The following CFAP99 variants were observed in gnomAD, a reference collection of about 807,000 sequenced individuals.
CFAP99 encodes cilia and flagella associated protein 99.
Under a neutral mutation model 82.7 loss-of-function variants are expected in CFAP99, and 84 were observed. That is an observed-to-expected ratio of 1.02 (90% CI 0.85 to 1.22). The LOEUF (loss-of-function observed/expected upper bound fraction) is 1.22. Ranked by LOEUF, CFAP99 falls within the 50% of genes most tolerant of loss-of-function variation. CFAP99 has a pLI of 0.00. For missense variants in CFAP99, 1,059 were observed against 983.5 expected (o/e 1.08, Z -1.03); for synonymous variants, 456 against 429.5 (o/e 1.06, Z -0.76).
rs1033916173 is a variant in CFAP99, at chr4:2,436,949, G to A, written c.187G>A (p.Val63Ile). ...CCTCGAGTACCGGAAGCTGCTGACC[G>A]TCGTGGTGGATGCCTTCTACGTGGA... The change falls in exon 3 of 15, where the codon GTC becomes ATC. Residue 63 changes from valine to isoleucine, a missense_variant. Val to Ile is a conservative substitution (Grantham distance 29). Transcript: ENST00000635017. 3.8e-5 allele frequency: 58 copies of A among 1,536,072 alleles called. No homozygotes were observed. The highest frequency in any genetic ancestry group is 1.2e-4 in the Admixed American group (6 of 51,008).
chr4:2,443,243 G>T lies in CFAP99; in HGVS notation c.464+1G>T. ...AGAACTGGATCGACCCCCTGATGAG[G>T]TAGGCTGGATGGGGGGCTCTGGGGG... On this transcript the variant is annotated splice_donor_variant, in intron 5 of 14. Transcript: ENST00000635017. LOFTEE classifies it high-confidence loss of function. 6.5e-7 allele frequency: 1 copy of T among 1,528,754 alleles called. No homozygotes were observed. The highest frequency in any genetic ancestry group is 8.8e-7 in the Non-Finnish European group (1 of 1,140,426). 94.7% of individuals were successfully genotyped at this position (1,528,754 alleles called of 1,614,324 possible).
At chr4:2,426,303 T>C (rs2108709320) in intron 1 of CFAP99, among the ~76,000 whole-genome samples, 156 bp from the exon 2 acceptor site, 1 of 143,840 alleles carries the variant, frequency 7.0e-6, no homozygotes, top group East Asian at 2.0e-4. Context: ...CCCTCCCCAC[T>C]GCTGTAGGCC....
intron 2 of CFAP99, among the ~76,000 whole-genome samples, chr4:2,431,676 C>G (rs78638076): frequency 0.021 from 3,133 of 152,250 alleles, 83 homozygotes; most frequent in African/African-American, 0.066. Flanking sequence ...GTACACCCTC[C>G]CCAACCTCAT....
rs546976026 is a variant in CFAP99, at chr4:2,425,758, G to A, written c.-17-701G>A. 2.0e-5 allele frequency among the ~76,000 whole-genome samples: 3 copies of A among 152,242 alleles called. No individual in the cohort carries two copies. The East Asian group carries it at 5.8e-4, about 29-fold the overall frequency. On this transcript the variant is annotated intron_variant, in intron 1 of 14. Coordinates refer to ENST00000635017, the Ensembl canonical transcript of CFAP99. ...GGGGCCACATGTTGTCCTTAGAGCT[G>A]GTTCCCAGGGTCCCAGCCTCCCCCT...
At chr4:2,425,159 G>A (rs542635570) in intron 1 of CFAP99, among the ~76,000 whole-genome samples, 4 of 152,258 alleles carry the variant, frequency 2.6e-5, no homozygotes, top group East Asian at 1.9e-4. Context: ...TTCCTTGGAC[G>A]CTGTATCTCC....
chr4:2,445,358 C>A (rs1215347524), intron 6 of CFAP99, 50 bp downstream of exon 6: 7 of 1,278,128 alleles, frequency 5.5e-6, no homozygotes, highest in Non-Finnish European at 6.9e-6. Context: ...ATCAGGGTAG[C>A]CAAGCTGGGA....
At chr4:2,438,552 A>C (rs1432628956) in intron 4 of CFAP99, among the ~76,000 whole-genome samples, 1 of 151,906 alleles carries the variant, frequency 6.6e-6, no homozygotes, top group Non-Finnish European at 1.5e-5. Context: ...GTGAGCCACC[A>C]CGCCCGGCCT....
At chr4:2,457,207 C>T (rs1470225857) in intron 11 of CFAP99, among the ~76,000 whole-genome samples, 6 of 152,086 alleles carry the variant, frequency 3.9e-5, no homozygotes, top group East Asian at 1.9e-4. Flanking sequence ...CTTCCCCACG[C>T]GCTGGGATTA....
chr4:2,438,679 A>T (rs537516343), intron 4 of CFAP99, among the ~76,000 whole-genome samples: 2 of 152,180 alleles, frequency 1.3e-5, no homozygotes, highest in African/African-American at 4.8e-5. Flanking sequence ...CTGAAGCGGG[A>T]GGATCACTTG....
chr4:2,438,782 AAAC>A (rs200158413), intron 4 of CFAP99, among the ~76,000 whole-genome samples: 4 of 152,062 alleles, frequency 2.6e-5, no homozygotes, highest in South Asian at 4.1e-4. Context: ...AAAAACAAAG[AAAC>A]AACAACAACA....
chr4:2,450,961 G>A lies in CFAP99; in HGVS notation c.810G>A (p.Gln270=), dbSNP rs1214681738. The stretch of plus-strand genomic sequence containing the variant: ...GACTCCTGCAGGGCTCCAAGCAGCA[G>A]CTGCGGCTTCAGTTCCCACCCCGAA... Residue 270 remains glutamine, a synonymous_variant, in exon 9 of 15, where the codon CAG becomes CAA. Coordinates refer to ENST00000635017, the Ensembl canonical transcript of CFAP99. 9 of 1,535,894 alleles carry A rather than the reference G, an allele frequency of 5.9e-6. No homozygotes were observed. In the African/African-American group the frequency reaches 1.2e-4, roughly 21 times the overall value.
At chr4:2,459,642 C>T (rs943593310) in intron 13 of CFAP99, among the ~76,000 whole-genome samples, 3 of 152,168 alleles carry the variant, frequency 2.0e-5, no homozygotes, top group Non-Finnish European at 4.4e-5. Flanking sequence ...GAGGGCCTGC[C>T]GGAAGCCCGT....
exon 5 of CFAP99, chr4:2,443,176 A>G: frequency 6.5e-7 from 1 of 1,535,790 alleles, no homozygotes; most frequent in Non-Finnish European, 8.7e-7. Context: ...TCATGGATCA[A>G]GGATGAGTGG....
Position 2,462,399 on chromosome 4 carries a change from G to A in CFAP99, c.1662-44G>A. 7.2e-7 allele frequency: 1 copy of A among 1,393,560 alleles called. No homozygotes were observed. The highest frequency in any genetic ancestry group is 9.2e-7 in the Non-Finnish European group (1 of 1,086,710). The allele number at this position is 1,393,560 out of a possible 1,614,324, so 86.3% of individuals were successfully genotyped here. A position where few individuals can be genotyped will look rare whatever the true frequency, so the allele number is the denominator to read the frequency against. On this transcript the variant is annotated intron_variant, in intron 14 of 14. Coordinates refer to ENST00000635017, the Ensembl canonical transcript of CFAP99. The surrounding 1 kb of genome is among the most constrained non-coding windows in gnomAD (Gnocchi z 4.1). Reference sequence around the variant, plus strand: ...GGGTGGCATCCTGGGTCTGGCCTGGGCCTCCCGCCGGCCTGCTCCTGAGCC... The same window carrying A: ...GGGTGGCATCCTGGGTCTGGCCTGGACCTCCCGCCGGCCTGCTCCTGAGCC...
At chr4:2,430,833 G>A (rs867540528) in intron 2 of CFAP99, among the ~76,000 whole-genome samples, 29 of 152,244 alleles carry the variant, frequency 1.9e-4, no homozygotes, top group Admixed American at 5.2e-4. Context: ...AGCACGTTGG[G>A]AGGCTGAGGT....
chr4:2,441,598 C>A (rs1215606967), intron 4 of CFAP99, among the ~76,000 whole-genome samples: 1 of 152,186 alleles, frequency 6.6e-6, no homozygotes, highest in Non-Finnish European at 1.5e-5. Context: ...GGTGCCTGCA[C>A]ACTTACCAAC....
chr4:2,461,603 G>A (rs1734622936), intron 14 of CFAP99, among the ~76,000 whole-genome samples: 2 of 152,202 alleles, frequency 1.3e-5, no homozygotes, highest in African/African-American at 2.4e-5. Flanking sequence ...CAGCCTGGTT[G>A]GTGTTAGGGT....
chr4:2,443,119 G>C lies in CFAP99; in HGVS notation c.352-11G>C. 1 of 1,477,334 alleles carries C rather than the reference G, an allele frequency of 6.8e-7. No individual in the cohort carries two copies. The allele number at this position is 1,477,334 out of a possible 1,614,324, so 91.5% of individuals were successfully genotyped here. ...GGGCTCCGGCCCCCTGACAGCCCCC[G>C]TCCACCCCAGTTCCTCAGGTTCTTC... On this transcript the variant is annotated splice_polypyrimidine_tract_variant and intron_variant, in intron 4 of 14. Coordinates refer to ENST00000635017, the Ensembl canonical transcript of CFAP99.
intron 9 of CFAP99, 115 bp downstream of exon 9, chr4:2,451,133 C>A: frequency 1.3e-5 from 19 of 1,441,610 alleles, no homozygotes; most frequent in Non-Finnish European, 1.8e-5. Context: ...GTCCCAAGGA[C>A]GGCCCCACCC....
Sources: allele counts gnomAD v4.1 joint callset (sites outside exome capture counted in the v4.1 genomes callset), GRCh38; gene constraint gnomAD v4.1.1; non-coding constraint Gnocchi (gnomAD v3.1); transcripts MANE v1.5; gene names NCBI Gene and HGNC (gene_info 2026-07-23, HGNC 2026-07-21).